Variants in UBE3C observed in about 807,000 individuals in gnomAD.
The protein encoded by UBE3C is ubiquitin protein ligase E3C.
Under a neutral mutation model 129.4 loss-of-function variants are expected in UBE3C, and 42 were observed. That is an observed-to-expected ratio of 0.32 (90% CI 0.25 to 0.42). UBE3C has a LOEUF of 0.42. Ranked by LOEUF, UBE3C falls within the 10% of genes least tolerant of loss-of-function variation. The pLI is 1.00. For synonymous variants in UBE3C, 510 were observed against 492.4 expected, an observed-to-expected ratio of 1.04 and a Z score of -0.47; for missense variants, 1,049 against 1,319.1, an observed-to-expected ratio of 0.80 and a Z score of 3.17.
intron 13 of UBE3C, among the ~76,000 whole-genome samples, chr7:157,215,007 A>C (rs1809695240): frequency 6.6e-6 from 1 of 152,218 alleles, no homozygotes; most frequent in African/African-American, 2.4e-5. Context: ...TACCCTGATT[A>C]GTTCACTAAA....
intron 17 of UBE3C, 73 bp from the exon 18 acceptor site, chr7:157,231,007 C>T: frequency 3.8e-6 from 6 of 1,568,160 alleles, no homozygotes; most frequent in Non-Finnish European, 5.2e-6. Context: ...CTTAAGCCTT[C>T]CTGTAAGGCT....
At chr7:157,257,998 A>C (rs1796800111) in intron 22 of UBE3C, among the ~76,000 whole-genome samples, 1 of 144,572 alleles carries the variant, frequency 6.9e-6, no homozygotes, top group Admixed American at 7.1e-5. Flanking sequence ...CCCAGGCTGG[A>C]GTGCAGTGGT....
intron 17 of UBE3C, among the ~76,000 whole-genome samples, chr7:157,225,883 G>A (rs961193601): frequency 2.6e-5 from 4 of 152,188 alleles, no homozygotes; most frequent in Non-Finnish European, 5.9e-5. Context: ...CCTGGGAAGT[G>A]AAGGCTGCAG....
intron 22 of UBE3C, among the ~76,000 whole-genome samples, chr7:157,260,096 TA>T (rs1796858241): frequency 1.4e-5 from 2 of 143,748 alleles, no homozygotes; most frequent in African/African-American, 5.3e-5. Flanking sequence ...GTAGAAATGA[TA>T]ATCTTCCAAA....
chr7:157,168,325 A>G (rs989530911), intron 2 of UBE3C, among the ~76,000 whole-genome samples: 4 of 127,320 alleles, frequency 3.1e-5, no homozygotes, highest in African/African-American at 3.5e-5. Flanking sequence ...ACAGAGCAAG[A>G]CTCTGTCTCA....
intron 10 of UBE3C, among the ~76,000 whole-genome samples, chr7:157,194,359 A>G (rs547112658): frequency 1.3e-5 from 2 of 152,324 alleles, no homozygotes; most frequent in South Asian, 2.1e-4. Flanking sequence ...TAGCACAGGT[A>G]ATTTCACCTC....
At chr7:157,139,639 G>A (rs1298946591) in intron 1 of UBE3C, among the ~76,000 whole-genome samples, 1 of 152,238 alleles carries the variant, frequency 6.6e-6, no homozygotes, top group East Asian at 1.9e-4. Flanking sequence ...CCTGTCCACT[G>A]CGCTTCGGGA....
At chr7:157,254,391 T>C in intron 21 of UBE3C, 81 bp downstream of exon 21, 1 of 682,330 alleles carries the variant, frequency 1.5e-6, no homozygotes, top group East Asian at 5.0e-5. Context: ...TTTATTTTAA[T>C]TAATTTATTT....
chr7:157,175,135 T>TA (rs1423108420), intron 5 of UBE3C, 101 bp downstream of exon 5: 211 of 558,688 alleles, frequency 3.8e-4, no homozygotes, highest in African/African-American at 6.8e-4. Flanking sequence ...GGCTTTTCCA[T>TA]ACTTTTTTTT....
chr7:157,162,355 C>T (rs1017573814), intron 1 of UBE3C, among the ~76,000 whole-genome samples: 15 of 151,696 alleles, frequency 9.9e-5, no homozygotes, highest in African/African-American at 3.1e-4. Flanking sequence ...CCACCATGCC[C>T]GGCTAATTTT....
chr7:157,192,957 A>G, intron 10 of UBE3C: 1 of 605,688 alleles, frequency 1.7e-6, no homozygotes. Flanking sequence ...CATGAGGGAA[A>G]GTATGTTTTT....
intron 22 of UBE3C, among the ~76,000 whole-genome samples, chr7:157,265,436 G>A (rs757919566): frequency 3.3e-5 from 5 of 152,174 alleles, no homozygotes; most frequent in African/African-American, 7.2e-5. Context: ...GGACCGACAC[G>A]CCCATAGGTC....
At chr7:157,248,625 C>T (rs1050805950) in intron 19 of UBE3C, 45 bp downstream of exon 19, 2 of 1,582,132 alleles carry the variant, frequency 1.3e-6, no homozygotes, top group Non-Finnish European at 1.7e-6. Context: ...TAGCAAGTAG[C>T]AGCATCTCCT....
intron 1 of UBE3C, among the ~76,000 whole-genome samples, chr7:157,143,584 G>C (rs1398485266): frequency 6.6e-6 from 1 of 152,118 alleles, no homozygotes; most frequent in African/African-American, 2.4e-5. Context: ...ATAATTACCA[G>C]TTTTCAGGAG....
At chr7:157,209,318 A>G (rs1323694758) in intron 13 of UBE3C, among the ~76,000 whole-genome samples, 1 of 152,220 alleles carries the variant, frequency 6.6e-6, no homozygotes, top group African/African-American at 2.4e-5. Context: ...ATTGCACTGA[A>G]TACAGTCCTA....
At position 157,212,502 on chromosome 7, in the gene UBE3C, A is replaced by G. The variant is rs982937081; in HGVS notation, c.1810-4365A>G. 3.9e-5 allele frequency among the ~76,000 whole-genome samples: 6 copies of G among 152,196 alleles called. No homozygotes were observed. In the East Asian group the frequency reaches 1.2e-3, roughly 29 times the overall value. ...ATTTCCCCAAGGTCAGTTAAGCAAG[A>G]TTTTCTTATGATCATCATTGCCATG... On this transcript the variant is annotated intron_variant, in intron 13 of 22. Transcript: ENST00000348165.
intron 19 of UBE3C, among the ~76,000 whole-genome samples, chr7:157,249,401 C>T (rs1796564669): frequency 6.6e-6 from 1 of 152,136 alleles, no homozygotes; most frequent in African/African-American, 2.4e-5. Context: ...CCACAACCTC[C>T]ACCTCCCGGG....
chr7:157,209,910 G>A (rs1809541722), intron 13 of UBE3C, among the ~76,000 whole-genome samples: 1 of 152,250 alleles, frequency 6.6e-6, no homozygotes, highest in Non-Finnish European at 1.5e-5. Flanking sequence ...GCCGGGTGTG[G>A]TGGCTCACGC....
chr7:157,176,567 G>A (rs569970660), intron 5 of UBE3C, among the ~76,000 whole-genome samples: 1 of 152,310 alleles, frequency 6.6e-6, no homozygotes, highest in East Asian at 1.9e-4. Flanking sequence ...GAGCCACCGT[G>A]CCCAGCCAAA....
Sources: gnomAD v4.1 joint callset for allele counts (sites outside exome capture counted in the v4.1 genomes callset) on GRCh38, gnomAD v4.1.1 for gene constraint, MANE v1.5 for transcripts, NCBI Gene and HGNC (gene_info 2026-07-23, HGNC 2026-07-21) for gene names.